The following TAF4B variants were observed in gnomAD, a reference collection of about 807,000 sequenced individuals.
TAF4B encodes the protein TATA-box binding protein associated factor 4b.
Under a neutral mutation model 86.4 loss-of-function variants are expected in TAF4B, and 38 were observed. The observed-to-expected ratio is 0.44, with a 90% confidence interval of 0.34 to 0.58. The LOEUF (loss-of-function observed/expected upper bound fraction) is 0.58, where lower values mean the gene tolerates loss of function less well. Among genes scored for constraint, TAF4B ranks in the 20% least tolerant of loss-of-function variants. TAF4B has a pLI of 0.02. For missense variants in TAF4B, 988 were observed against 1,027.6 expected, an observed-to-expected ratio of 0.96 and a Z score of 0.53; for synonymous variants, 388 against 391.2, an observed-to-expected ratio of 0.99 and a Z score of 0.10.
intron 6 of TAF4B, among the ~76,000 whole-genome samples, chr18:26,283,635 C>A (rs753846371): frequency 3.3e-4 from 51 of 152,254 alleles, no homozygotes; most frequent in South Asian, 1.2e-3. Flanking sequence ...CCTACATTAG[C>A]CCCTAACAAG....
At chr18:26,334,806 A>T (rs1052700391) in intron 12 of TAF4B, among the ~76,000 whole-genome samples, 1 of 152,240 alleles carries the variant, frequency 6.6e-6, no homozygotes, top group Non-Finnish European at 1.5e-5. Context: ...AAGATCAGCC[A>T]GTATTGATTG....
At chr18:26,347,360 G>A (rs1025159672) in intron 13 of TAF4B, among the ~76,000 whole-genome samples, 1 of 152,090 alleles carries the variant, frequency 6.6e-6, no homozygotes. Context: ...ACATTTGAAA[G>A]TGAAAAAATG....
At chr18:26,268,712 G>A (rs943879272) in intron 3 of TAF4B, among the ~76,000 whole-genome samples, 4 of 152,162 alleles carry the variant, frequency 2.6e-5, no homozygotes, top group African/African-American at 4.8e-5. Context: ...GATGGGAGTC[G>A]ATTACTCTTC....
chr18:26,340,060 G>A (rs2057124366), intron 13 of TAF4B, among the ~76,000 whole-genome samples: 1 of 152,118 alleles, frequency 6.6e-6, no homozygotes, highest in South Asian at 2.1e-4. Flanking sequence ...TAGGAACTGG[G>A]AAAAAGAATA....
chr18:26,376,849 C>T (rs1410496465), intron 14 of TAF4B, among the ~76,000 whole-genome samples: 1 of 151,640 alleles, frequency 6.6e-6, no homozygotes, highest in Non-Finnish European at 1.5e-5. Context: ...GGAGGTTTCC[C>T]TTCTATATTT....
At chr18:26,292,533 C>A in intron 8 of TAF4B, 152 bp downstream of exon 8, 1 of 858,820 alleles carries the variant, frequency 1.2e-6, no homozygotes, top group Non-Finnish European at 1.7e-6. Context: ...CGTTAGATTT[C>A]TCTCCCCAGA....
chr18:26,267,597 A>G lies in TAF4B; in HGVS notation c.571A>G (p.Thr191Ala), dbSNP rs200450857. Residue 191 changes from threonine (T) to alanine (A), a missense_variant, in exon 3 of 15, where the codon ACT (threonine) becomes GCT (alanine). By Grantham distance (58) the Thr-to-Ala change is moderately conservative (BLOSUM62 0). Transcript: ENST00000269142. ...LAQIGTTVVT[T>A]VPKPSSVQSV... is the part of the protein sequence containing the mutation. ...ACAAATAGGAACTACTGTGGTAACCACTGTTCCGAAGCCTTCCTCAGTACA... is the reference window on the plus strand; with the variant it reads ...ACAAATAGGAACTACTGTGGTAACCGCTGTTCCGAAGCCTTCCTCAGTACA... The G allele has an allele frequency of 2.5e-5, 40 of 1,613,978 alleles. No individual in the cohort carries two copies. In the African/African-American group the frequency reaches 4.7e-4, roughly 19 times the overall value.
At chr18:26,356,387 A>G (rs996879556) in intron 13 of TAF4B, among the ~76,000 whole-genome samples, 1 of 152,176 alleles carries the variant, frequency 6.6e-6, no homozygotes, top group Non-Finnish European at 1.5e-5. Context: ...TCAGTTACCT[A>G]TTCAGTTATT....
intron 14 of TAF4B, among the ~76,000 whole-genome samples, chr18:26,369,769 G>A (rs775823954): frequency 6.6e-6 from 1 of 152,172 alleles, no homozygotes; most frequent in African/African-American, 2.4e-5. Context: ...ATTACACATG[G>A]CCAAATCTCT....
rs1381090226 is a variant in TAF4B at position 26,240,265 on chromosome 18, A to C, written c.343+12989A>C. ...TGTGTCCTCTTTTATTTCATTGAGC[A>C]GTGGTTTGTAGTTCTCCTTGAAGAG... On this transcript the variant is annotated intron_variant, in intron 1 of 14. Transcript: ENST00000269142. 2.0e-5 allele frequency among the ~76,000 whole-genome samples: 3 copies of C among 152,256 alleles called. No individual in the cohort carries two copies. The East Asian group carries it at 5.8e-4, about 29-fold the overall frequency.
chr18:26,264,749 A>G (rs2056215303), intron 1 of TAF4B, among the ~76,000 whole-genome samples: 1 of 152,240 alleles, frequency 6.6e-6, no homozygotes, highest in Non-Finnish European at 1.5e-5. Context: ...GACCAGCCCC[A>G]CTTACTGAAT....
chr18:26,353,661 A>C (rs1026354936), intron 13 of TAF4B, among the ~76,000 whole-genome samples: 1 of 152,246 alleles, frequency 6.6e-6, no homozygotes, highest in East Asian at 1.9e-4. Flanking sequence ...ATGGTGACTG[A>C]ATGCTTTCTT....
chr18:26,315,145 T>C, intron 9 of TAF4B, 84 bp from the exon 10 acceptor site: 1 of 160,560 alleles, frequency 6.2e-6, no homozygotes, highest in Non-Finnish European at 1.1e-5. Flanking sequence ...TCTCTCTCTC[T>C]GTCTCTCTCT....
rs149397521 is a variant in TAF4B at position 26,258,208 on chromosome 18, C to G, written c.344-6962C>G. ...GTCGGAGGTTGCAGTGAGCTGAGATCGCACCACTGCACTCAAGCCTGGTGA... is the reference window on the plus strand; with the variant it reads ...GTCGGAGGTTGCAGTGAGCTGAGATGGCACCACTGCACTCAAGCCTGGTGA... On this transcript the variant is annotated intron_variant, in intron 1 of 14. Coordinates refer to ENST00000269142, the MANE Select transcript of TAF4B (RefSeq NM_005640.3). Among the ~76,000 whole-genome samples, 950 of 150,764 alleles carry G rather than the reference C, an allele frequency of 6.3e-3. 7 individuals carry two copies. The highest frequency in any genetic ancestry group is 0.017 in the African/African-American group (698 of 40,906).
chr18:26,324,568 G>A (rs777215162), intron 11 of TAF4B, among the ~76,000 whole-genome samples: 1 of 152,116 alleles, frequency 6.6e-6, no homozygotes, highest in Non-Finnish European at 1.5e-5. Context: ...TTGTATATCA[G>A]TAGCGTATTT....
intron 14 of TAF4B, among the ~76,000 whole-genome samples, chr18:26,367,776 G>T (rs913024729): frequency 6.6e-6 from 1 of 152,114 alleles, no homozygotes; most frequent in African/African-American, 2.4e-5. Flanking sequence ...TGAGCATCCT[G>T]TTTTATCTTC....
At chr18:26,373,815 A>G (rs964938061) in intron 14 of TAF4B, among the ~76,000 whole-genome samples, 1 of 152,038 alleles carries the variant, frequency 6.6e-6, no homozygotes, top group Non-Finnish European at 1.5e-5. Flanking sequence ...ACCCAGTGTT[A>G]CTGAGTACAA....
rs568739483 is a variant in TAF4B at position 26,390,184 on chromosome 18, C to T, written c.*172C>T. On this transcript the variant is annotated 3_prime_UTR_variant, in exon 15 of 15. Coordinates refer to ENST00000269142, the MANE Select transcript of TAF4B (RefSeq NM_005640.3). ...ACCTATCCATCTCATGGGACTCTTA[C>T]AGACTCAGATTCATCTTTGTCTTCT... The T allele has an allele frequency of 1.3e-5, 6 of 459,702 alleles. No individual in the cohort carries two copies. In the African/African-American group the frequency reaches 1.5e-4, roughly 12 times the overall value. 28.5% of individuals were successfully genotyped at this position (459,702 alleles called of 1,614,324 possible).
intron 5 of TAF4B, 61 bp from the exon 6 acceptor site, chr18:26,281,910 A>G: frequency 1.6e-6 from 2 of 1,257,378 alleles, no homozygotes; most frequent in Non-Finnish European, 1.2e-6. Context: ...TGAATTATAT[A>G]CTTTGTCTCT....
Sources: allele counts gnomAD v4.1 joint callset (sites outside exome capture counted in the v4.1 genomes callset), GRCh38; gene constraint gnomAD v4.1.1; transcripts MANE v1.5; gene names NCBI Gene and HGNC (gene_info 2026-07-23, HGNC 2026-07-21).